SPECC1: variants seen among roughly 807,000 people sequenced by gnomAD.
SPECC1 encodes the protein cytospin-B.
Under a neutral mutation model 104.1 loss-of-function variants are expected in SPECC1, and 62 were observed. The observed-to-expected ratio is 0.60, with a 90% CI of 0.49 to 0.74. The LOEUF (loss-of-function observed/expected upper bound fraction) is 0.74. Ranked by LOEUF, SPECC1 falls within the 30% of genes least tolerant of loss-of-function variation. SPECC1 has a pLI of 0.00. For missense variants in SPECC1, 1,306 were observed against 1,310.5 expected (o/e 1.00, Z 0.05); for synonymous variants, 513 against 501.6 (o/e 1.02, Z -0.30).
rs1232540209 is a variant in SPECC1, at chr17:20,096,545, C to T, written c.-21-86C>T. On this transcript the variant is annotated intron_variant, in intron 1 of 14. Transcript: ENST00000395527. ...CCTACTCTGTGATAGTTCATGGTGA[C>T]GTGGTATGTGGGGTGTAAAGTGTGA... is the stretch of plus-strand genomic sequence containing the variant. 36 of 1,397,642 alleles carry T rather than the reference C, an allele frequency of 2.6e-5. No homozygotes were observed. The Admixed American group carries it at 5.9e-4, about 23-fold the overall frequency. The allele number at this position is 1,397,642 out of a possible 1,614,324, so 86.6% of individuals were successfully genotyped here. A position where few individuals can be genotyped will look rare whatever the true frequency, so the allele number is the denominator to read the frequency against.
At chr17:20,125,627 A>G (rs1369301589) in intron 3 of SPECC1, among the ~76,000 whole-genome samples, 1 of 152,250 alleles carries the variant, frequency 6.6e-6, no homozygotes, top group Non-Finnish European at 1.5e-5. Context: ...ATCATACAGT[A>G]TCCTTTTGGG....
chr17:20,224,187 C>T (rs1037928515), intron 4 of SPECC1, among the ~76,000 whole-genome samples: 2 of 152,144 alleles, frequency 1.3e-5, no homozygotes, highest in African/African-American at 4.8e-5. Context: ...TCCTTACTTT[C>T]CCCTAAACAC....
intron 3 of SPECC1, among the ~76,000 whole-genome samples, chr17:20,115,335 C>T (rs928643413): frequency 2.6e-5 from 4 of 151,838 alleles, no homozygotes; most frequent in East Asian, 1.9e-4. Context: ...TAGCTGGGCG[C>T]GGTGGCGGGT....
chr17:20,159,070 G>A (rs2032890826), intron 3 of SPECC1, among the ~76,000 whole-genome samples: 2 of 151,918 alleles, frequency 1.3e-5, no homozygotes, highest in Admixed American at 6.6e-5. Flanking sequence ...CGATCCTCCC[G>A]AGTAGCTGAG....
At chr17:20,087,966 G>A (rs888184894) in intron 1 of SPECC1, among the ~76,000 whole-genome samples, 4 of 152,142 alleles carry the variant, frequency 2.6e-5, no homozygotes, top group African/African-American at 4.8e-5. Context: ...GTGAGGAGCT[G>A]GGGGGACATT....
intron 1 of SPECC1, among the ~76,000 whole-genome samples, chr17:20,048,182 G>A (rs1204163746): frequency 6.7e-6 from 1 of 148,872 alleles, no homozygotes; most frequent in Non-Finnish European, 1.5e-5. Flanking sequence ...CACCCAGGCT[G>A]GAGTGCAGTG....
At chr17:20,029,030 G>A in intron 1 of SPECC1, among the ~76,000 whole-genome samples, 1 of 152,116 alleles carries the variant, frequency 6.6e-6, no homozygotes, top group East Asian at 1.9e-4. Flanking sequence ...CCAAAGTGCT[G>A]GGATTACAGG....
Position 20,063,852 on chromosome 17 carries a change from C to T in SPECC1, c.-21-32779C>T, listed in dbSNP as rs544489247. ...ACCCTTCCCTCTGAGTTAAACTTAGCCAACAGAATAAGGCATTTAGAATAA... is the reference window on the plus strand; with the variant it reads ...ACCCTTCCCTCTGAGTTAAACTTAGTCAACAGAATAAGGCATTTAGAATAA... On this transcript the variant is annotated intron_variant, in intron 1 of 14. Transcript: ENST00000395527. Among the ~76,000 whole-genome samples the T allele has an allele frequency of 3.3e-5, 5 of 152,262 alleles. No homozygotes were observed. The South Asian group carries it at 6.2e-4, about 19-fold the overall frequency.
At chr17:20,116,192 AT>A (rs2048746022) in intron 3 of SPECC1, among the ~76,000 whole-genome samples, 2 of 152,058 alleles carry the variant, frequency 1.3e-5, no homozygotes, top group Non-Finnish European at 2.9e-5. Context: ...GTTTCACGCC[AT>A]TCTCCTGCCT....
chr17:20,207,898 G>A (rs1169655583), intron 4 of SPECC1, among the ~76,000 whole-genome samples: 1 of 151,920 alleles, frequency 6.6e-6, no homozygotes, highest in African/African-American at 2.4e-5. Context: ...TGATTAACTT[G>A]TTTCTACTTT....
At chr17:20,284,422 G>C (rs566515224) in intron 12 of SPECC1, among the ~76,000 whole-genome samples, 2 of 152,260 alleles carry the variant, frequency 1.3e-5, no homozygotes, top group Non-Finnish European at 2.9e-5. Context: ...TGTGCTGTCC[G>C]TGTGCAGGAC....
chr17:20,263,885 TTGTGTGTG>T (rs556560740), intron 12 of SPECC1, among the ~76,000 whole-genome samples: 1 of 150,260 alleles, frequency 6.7e-6, no homozygotes, highest in South Asian at 2.1e-4. Flanking sequence ...CTGGAGTGAT[TTGTGTGTG>T]TGTGTGTGTG....
intron 13 of SPECC1, among the ~76,000 whole-genome samples, chr17:20,303,111 G>T (rs73981899): frequency 3.3e-5 from 5 of 151,988 alleles, no homozygotes; most frequent in Admixed American, 2.6e-4. Flanking sequence ...TTGGGGTAAC[G>T]CTCTAGAAAG....
In SPECC1 at chr17:20,231,749, T is replaced by G; in HGVS notation, c.2072-9T>G. The G allele has an allele frequency of 6.2e-7, 1 of 1,613,776 alleles. No homozygotes were observed. Among genetic ancestry groups the G allele is most frequent in the African/African-American group, 1.3e-5 (1 of 75,006 alleles). ...TTTTCTAAGCCCTGTCTGAATTATT[T>G]ATTTCTAGGTAGTGTGATCAAGCTG... On this transcript the variant is annotated splice_polypyrimidine_tract_variant and intron_variant, in intron 5 of 14. Transcript: ENST00000395527.
intron 1 of SPECC1, among the ~76,000 whole-genome samples, chr17:20,020,612 G>T (rs1264161947): frequency 6.6e-6 from 1 of 152,196 alleles, no homozygotes; most frequent in African/African-American, 2.4e-5. Context: ...GATTACAGGC[G>T]TGAGCCTCCA....
At chr17:20,213,233 A>C (rs567939076) in intron 4 of SPECC1, among the ~76,000 whole-genome samples, 1 of 152,072 alleles carries the variant, frequency 6.6e-6, no homozygotes, top group East Asian at 1.9e-4. Flanking sequence ...AAGTAGCTGG[A>C]ATTACAGGTG....
rs185988860 is a variant in SPECC1 at position 20,095,149 on chromosome 17, G to A, written c.-21-1482G>A. 3.1e-3 allele frequency among the ~76,000 whole-genome samples: 477 copies of A among 152,200 alleles called. 2 individuals carry two copies. The highest frequency in any genetic ancestry group is 5.2e-3 in the Non-Finnish European group (355 of 67,994). The stretch of plus-strand genomic sequence containing the variant: ...GTCTCAACCTATGCATTCTTTCATT[G>A]TTGCTGTGGAAACAAGCAATAAAAA... On this transcript the variant is annotated intron_variant, in intron 1 of 14. Transcript: ENST00000395527.
chr17:20,309,061 G>T (rs1381569601), intron 14 of SPECC1, among the ~76,000 whole-genome samples: 1 of 152,174 alleles, frequency 6.6e-6, no homozygotes, highest in Non-Finnish European at 1.5e-5. Context: ...CATTGGTGTG[G>T]ATGGTCTGTG....
Position 20,256,022 on chromosome 17 carries a change from C to T in SPECC1, c.2681-1429C>T, listed in dbSNP as rs552863269. ...CCTCCCGAGTAGCTGGGACTACAGG[C>T]GCCTGCCACCATGCCCGGCTAATTT... is the stretch of plus-strand genomic sequence containing the variant. On this transcript the variant is annotated intron_variant, in intron 10 of 14. Transcript: ENST00000395527. Among the ~76,000 whole-genome samples the T allele has an allele frequency of 5.9e-5, 9 of 152,150 alleles. No homozygotes were observed. In the South Asian group the frequency reaches 1.0e-3, roughly 18 times the overall value.
Sources: gnomAD v4.1 joint callset for allele counts (sites outside exome capture counted in the v4.1 genomes callset) on GRCh38, gnomAD v4.1.1 for gene constraint, MANE v1.5 for transcripts, NCBI Gene and HGNC (gene_info 2026-07-23, HGNC 2026-07-21) for gene names.